PHF2: variants seen among roughly 807,000 people sequenced by gnomAD.
The protein encoded by PHF2 is lysine-specific demethylase PHF2.
A neutral mutation model predicts 120.5 loss-of-function variants in PHF2; 27 were observed. That is an observed-to-expected ratio of 0.22 (90% confidence interval 0.17 to 0.31). The LOEUF (loss-of-function observed/expected upper bound fraction) is 0.31, where lower values mean the gene tolerates loss of function less well. PHF2 is among the 10% of genes least tolerant of loss of function. The pLI, the probability that PHF2 is intolerant of heterozygous loss-of-function variation, is 1.00. For missense variants in PHF2, 1,024 were observed against 1,434.8 expected (o/e 0.71, Z 4.63); for synonymous variants, 568 against 592.5 (o/e 0.96, Z 0.60).
At position 93,674,541 on chromosome 9, in the gene PHF2, ACT is replaced by A. The variant is rs534977760; in HGVS notation, c.2627-381_2627-380del. Among the ~76,000 whole-genome samples, 28 of 151,978 alleles carry A rather than the reference ACT, an allele frequency of 1.8e-4. No individual in the cohort carries two copies. The South Asian group carries it at 4.6e-3, about 25-fold the overall frequency. On this transcript the variant is annotated intron_variant, in intron 18 of 21. Coordinates refer to ENST00000359246, the MANE Select transcript of PHF2 (RefSeq NM_005392.4). ...GGGTCCCATCCTTCCCTGGTTCCCC[ACT>A]CTCTGCTGTAGCTTCCTCCAGGTGG...
At chr9:93,619,791 T>C (rs1377341542) in intron 1 of PHF2, among the ~76,000 whole-genome samples, 11 of 152,186 alleles carry the variant, frequency 7.2e-5, no homozygotes, top group African/African-American at 2.7e-4. Context: ...GTGCTGCTCT[T>C]AGCCAGGGTT....
At chr9:93,618,127 A>G (rs771658688) in intron 1 of PHF2, among the ~76,000 whole-genome samples, 7 of 152,206 alleles carry the variant, frequency 4.6e-5, no homozygotes, top group Non-Finnish European at 7.3e-5. Context: ...ATTAGCTTTA[A>G]ACTTCTTTGG....
rs200581349 is a variant in PHF2, at chr9:93,649,096, A to G, written c.486A>G (p.Thr162=). 145 of 1,551,360 alleles carry G rather than the reference A, an allele frequency of 9.3e-5. No individual in the cohort carries two copies. Among genetic ancestry groups the G allele is most frequent in the Middle Eastern group, 3.3e-4 (2 of 5,982 alleles). The change falls in exon 5 of 22, where the codon ACA becomes ACG. Residue 162 remains threonine, a synonymous_variant. Transcript: ENST00000359246. ...YVGPERSVDV[T]DVTKQKDCKM... Reference sequence around the variant, plus strand: ...GGCCGGAACGGAGTGTGGATGTGACAGATGTCACCAAGCAGAAGGACTGCA... The same window carrying G: ...GGCCGGAACGGAGTGTGGATGTGACGGATGTCACCAAGCAGAAGGACTGCA...
intron 1 of PHF2, among the ~76,000 whole-genome samples, chr9:93,590,330 A>T (rs1376970348): frequency 6.6e-6 from 1 of 152,198 alleles, no homozygotes; most frequent in Admixed American, 6.5e-5. Context: ...TTTCTAATGA[A>T]GACAGAAAAG....
chr9:93,662,494 G>C (rs1826588789), intron 12 of PHF2, among the ~76,000 whole-genome samples: 1 of 151,554 alleles, frequency 6.6e-6, no homozygotes, highest in Non-Finnish European at 1.5e-5. Context: ...TGAATGGGTG[G>C]GTGGATGAAT....
At chr9:93,599,661 C>T (rs914375003) in intron 1 of PHF2, among the ~76,000 whole-genome samples, 9 of 152,244 alleles carry the variant, frequency 5.9e-5, no homozygotes, top group Admixed American at 3.9e-4. Context: ...GTGAGTTTCA[C>T]CTTTCCTGGA....
At chr9:93,641,044 T>TGG in intron 3 of PHF2, among the ~76,000 whole-genome samples, 1 of 152,312 alleles carries the variant, frequency 6.6e-6, no homozygotes, top group Admixed American at 6.5e-5. Context: ...TGGTAGGTTT[T>TGG]GGGGAGGGGA....
chr9:93,650,525 TG>T (rs1564394858), intron 5 of PHF2, among the ~76,000 whole-genome samples: 1 of 152,194 alleles, frequency 6.6e-6, no homozygotes, highest in Non-Finnish European at 1.5e-5. Context: ...AGATACACCT[TG>T]GTTGGCCCGG....
intron 20 of PHF2, 39 bp from the exon 21 acceptor site, chr9:93,676,555 G>C (rs1365018772): frequency 6.4e-7 from 1 of 1,555,968 alleles, no homozygotes; most frequent in Non-Finnish European, 8.7e-7. Flanking sequence ...GCCCAAGTGG[G>C]CTGTGCGTCT....
At chr9:93,648,443 T>C (rs1826300068) in intron 4 of PHF2, among the ~76,000 whole-genome samples, 1 of 152,224 alleles carries the variant, frequency 6.6e-6, no homozygotes, top group South Asian at 2.1e-4. Flanking sequence ...ATCCACCTCA[T>C]CTGTCCACAC....
intron 1 of PHF2, among the ~76,000 whole-genome samples, chr9:93,617,411 G>A (rs1384878403): frequency 6.6e-6 from 1 of 152,210 alleles, no homozygotes; most frequent in Non-Finnish European, 1.5e-5. Flanking sequence ...CCTTGCCTGA[G>A]GATCTTAGGC....
intron 1 of PHF2, among the ~76,000 whole-genome samples, chr9:93,578,525 G>A (rs1476288099): frequency 3.9e-5 from 6 of 152,206 alleles, no homozygotes; most frequent in Non-Finnish European, 4.4e-5. Flanking sequence ...CCTGGCGAGC[G>A]CAGTCACTCT....
At chr9:93,666,763 T>C (rs1385137354) in intron 16 of PHF2, among the ~76,000 whole-genome samples, 2 of 152,046 alleles carry the variant, frequency 1.3e-5, no homozygotes, top group African/African-American at 2.4e-5. Context: ...ACCCCATCTC[T>C]ACTAAAAATA....
chr9:93,641,743 T>C (rs566392278), intron 3 of PHF2, among the ~76,000 whole-genome samples: 1 of 152,380 alleles, frequency 6.6e-6, no homozygotes, highest in African/African-American at 2.4e-5. Context: ...CTTTGTAGTT[T>C]CTTGACAGCG....
chr9:93,602,247 CTTTTTTTTT>C (rs67001312), intron 1 of PHF2, among the ~76,000 whole-genome samples: 4 of 79,670 alleles, frequency 5.0e-5, no homozygotes, highest in African/African-American at 1.6e-4. Context: ...CCTAGAGATT[CTTTTTTTTT>C]TTTTTTTTTT....
At chr9:93,631,080 A>G (rs1026608745) in intron 2 of PHF2, among the ~76,000 whole-genome samples, 12 of 152,142 alleles carry the variant, frequency 7.9e-5, no homozygotes, top group East Asian at 3.9e-4. Flanking sequence ...GATGAGTCCT[A>G]TGGAATCAGT....
chr9:93,585,648 G>A (rs1366184143), intron 1 of PHF2, among the ~76,000 whole-genome samples: 2 of 152,154 alleles, frequency 1.3e-5, no homozygotes, highest in East Asian at 3.9e-4. Context: ...ACCAGGATCT[G>A]ACCTGGGGAC....
At chr9:93,671,233 G>C (rs902849443) in intron 17 of PHF2, 1 of 950,422 alleles carries the variant, frequency 1.1e-6, no homozygotes, top group African/African-American at 1.8e-5. Flanking sequence ...CAGGTGTGTG[G>C]GAGTAGGCAC....
chr9:93,629,942 G>A (rs752872079), intron 1 of PHF2, 28 bp from the exon 2 acceptor site: 1 of 1,610,144 alleles, frequency 6.2e-7, no homozygotes, highest in Non-Finnish European at 8.5e-7. Context: ...TGAATGCCTA[G>A]GTAATGGTCT....
Sources: gnomAD v4.1 joint callset for allele counts (sites outside exome capture counted in the v4.1 genomes callset) on GRCh38, gnomAD v4.1.1 for gene constraint, MANE v1.5 for transcripts, NCBI Gene and HGNC (gene_info 2026-07-23, HGNC 2026-07-21) for gene names.